The following FMN1 variants were observed in gnomAD, a reference collection of about 807,000 sequenced individuals.
FMN1 encodes the protein formin-1.
In FMN1, 110 loss-of-function variants were observed where a neutral mutation model predicts 132.4. That is an observed-to-expected ratio of 0.83 (90% CI 0.71 to 0.97). FMN1 has a LOEUF of 0.97. Among genes scored for constraint, FMN1 ranks in the 50% least tolerant of loss-of-function variants. The pLI is 0.00. For synonymous variants in FMN1, 722 were observed against 651.7 expected (o/e 1.11, Z -1.64); for missense variants, 1,792 against 1,705.3 (o/e 1.05, Z -0.90).
chr15:33,140,193 AACACACACACACAC>A (rs61485667), intron 4 of FMN1, among the ~76,000 whole-genome samples: 4 of 142,958 alleles, frequency 2.8e-5, no homozygotes, highest in Non-Finnish European at 4.5e-5. Flanking sequence ...CCTATGGTTA[AACACACACACACAC>A]ACACACACAC....
intron 6 of FMN1, among the ~76,000 whole-genome samples, chr15:33,033,281 C>T (rs1419928733): frequency 6.6e-6 from 1 of 152,196 alleles, no homozygotes; most frequent in Non-Finnish European, 1.5e-5. Context: ...CCGCCCACCT[C>T]AGCCTCCCAA....
chr15:33,034,593 C>G (rs2036103472), intron 6 of FMN1, among the ~76,000 whole-genome samples: 1 of 152,038 alleles, frequency 6.6e-6, no homozygotes. Flanking sequence ...AATAAAACCC[C>G]TGATGTCATC....
intron 16 of FMN1, among the ~76,000 whole-genome samples, chr15:32,859,234 A>G (rs987986017): frequency 2.0e-5 from 3 of 152,208 alleles, no homozygotes; most frequent in Admixed American, 1.3e-4. Flanking sequence ...TCCCCTGAAA[A>G]CAAAGGGGGA....
At chr15:33,144,636 TGAA>T (rs1964143409) in intron 4 of FMN1, among the ~76,000 whole-genome samples, 1 of 51,464 alleles carries the variant, frequency 1.9e-5, no homozygotes, top group African/African-American at 5.9e-5. Flanking sequence ...AGACTCCGTC[TGAA>T]AAAAAAAAAA....
intron 3 of FMN1, among the ~76,000 whole-genome samples, chr15:33,159,663 G>A (rs184863157): frequency 6.6e-6 from 1 of 152,330 alleles, no homozygotes; most frequent in East Asian, 1.9e-4. Flanking sequence ...ACCAGGCTTT[G>A]AAGTATCAAC....
intron 4 of FMN1, among the ~76,000 whole-genome samples, chr15:33,121,566 G>C (rs539611746): frequency 6.6e-6 from 1 of 152,254 alleles, no homozygotes; most frequent in South Asian, 2.1e-4. Context: ...GTCTTGCTCT[G>C]TCGCCAGGGT....
At chr15:33,053,112 C>T (rs2037054699) in intron 6 of FMN1, among the ~76,000 whole-genome samples, 1 of 152,170 alleles carries the variant, frequency 6.6e-6, no homozygotes, top group African/African-American at 2.4e-5. Context: ...GAACGCTGGA[C>T]AAGAGCTTGG....
At chr15:33,065,876 C>T (rs1243465898) in intron 5 of FMN1, among the ~76,000 whole-genome samples, 1 of 152,094 alleles carries the variant, frequency 6.6e-6, no homozygotes, top group Non-Finnish European at 1.5e-5. Flanking sequence ...TAGATGCTTC[C>T]CATGCACTGC....
intron 4 of FMN1, among the ~76,000 whole-genome samples, chr15:33,099,729 C>T (rs1595468780): frequency 6.6e-6 from 1 of 152,200 alleles, no homozygotes; most frequent in Middle Eastern, 3.4e-3. Context: ...AATTGGCATC[C>T]CCATTTATGT....
At chr15:32,923,826 G>A (rs77170673) in intron 10 of FMN1, among the ~76,000 whole-genome samples, 2,957 of 152,280 alleles carry the variant, frequency 0.019, 33 homozygotes, top group Non-Finnish European at 0.033. Context: ...ACTGCAGTAG[G>A]ACATGCTTAA....
chr15:33,103,230 T>TA (rs1304885174), intron 4 of FMN1, among the ~76,000 whole-genome samples: 1 of 152,150 alleles, frequency 6.6e-6, no homozygotes, highest in African/African-American at 2.4e-5. Context: ...GAGCTTAGCA[T>TA]AGACTCTGTA....
intron 7 of FMN1, among the ~76,000 whole-genome samples, chr15:32,976,861 C>A (rs1286431639): frequency 1.3e-5 from 2 of 152,162 alleles, no homozygotes; most frequent in African/African-American, 4.8e-5. Flanking sequence ...TCGAGAAACA[C>A]AAGAAGAGAA....
At chr15:33,030,656 T>C (rs1387388285) in intron 6 of FMN1, among the ~76,000 whole-genome samples, 2 of 152,188 alleles carry the variant, frequency 1.3e-5, no homozygotes, top group Non-Finnish European at 2.9e-5. Flanking sequence ...ACACCACTGA[T>C]TCTAAGATGC....
chr15:33,077,449 T>G (rs1391939366), intron 5 of FMN1, among the ~76,000 whole-genome samples: 2 of 151,456 alleles, frequency 1.3e-5, no homozygotes, highest in Non-Finnish European at 2.9e-5. Context: ...TGTGCCACGT[T>G]GGTGTGCTGT....
chr15:33,175,439 T>C (rs1439658060), intron 3 of FMN1, among the ~76,000 whole-genome samples: 5 of 152,148 alleles, frequency 3.3e-5, no homozygotes, highest in South Asian at 2.1e-4. Context: ...AGGGAAAGAA[T>C]TGACATTCTG....
intron 16 of FMN1, among the ~76,000 whole-genome samples, chr15:32,867,592 C>T (rs1450779270): frequency 2.0e-5 from 3 of 152,152 alleles, no homozygotes; most frequent in African/African-American, 2.4e-5. Flanking sequence ...CTGCAAGCTC[C>T]GCCTCATGGG....
intron 4 of FMN1, among the ~76,000 whole-genome samples, chr15:33,126,598 A>G (rs966242565): frequency 6.6e-6 from 1 of 152,190 alleles, no homozygotes; most frequent in Non-Finnish European, 1.5e-5. Context: ...TCAATAGACC[A>G]GAAAGAAGAA....
At chr15:33,069,129 C>A (rs888133595) in intron 5 of FMN1, among the ~76,000 whole-genome samples, 1 of 152,164 alleles carries the variant, frequency 6.6e-6, no homozygotes, top group South Asian at 2.1e-4. Flanking sequence ...TATCACAGAC[C>A]CAATTTGCCT....
intron 9 of FMN1, among the ~76,000 whole-genome samples, chr15:32,932,970 T>C (rs2061158825): frequency 6.6e-6 from 1 of 152,192 alleles, no homozygotes; most frequent in African/African-American, 2.4e-5. Flanking sequence ...ATTGTTTTTC[T>C]ATACTCTATT....
Sources: gnomAD v4.1 joint callset for allele counts (sites outside exome capture counted in the v4.1 genomes callset) on GRCh38, gnomAD v4.1.1 for gene constraint, MANE v1.5 for transcripts, NCBI Gene and HGNC (gene_info 2026-07-23, HGNC 2026-07-21) for gene names.